PIWIL2: variants seen among roughly 807,000 people sequenced by gnomAD.
The protein encoded by PIWIL2 is piwi like RNA-mediated gene silencing 2, also known as piwi-like protein 2.
PIWIL2 carries 81 observed loss-of-function variants against 116.5 expected under a neutral mutation model. That is an observed-to-expected ratio of 0.70 (90% CI 0.58 to 0.84). The LOEUF (loss-of-function observed/expected upper bound fraction) is 0.84. PIWIL2 is among the 40% of genes least tolerant of loss of function. The pLI, the probability that PIWIL2 is intolerant of heterozygous loss-of-function variation, is 0.00. For missense variants in PIWIL2, 1,272 were observed against 1,212.3 expected, an observed-to-expected ratio of 1.05 and a Z score of -0.73; for synonymous variants, 489 against 429.5, an observed-to-expected ratio of 1.14 and a Z score of -1.71.
In PIWIL2 at chr8:22,279,369, G is replaced by C. The variant is rs759002054; in HGVS notation, c.-18G>C. ...ATTAACCAGAACAGGATCGACACGT[G>C]TTCTCTACAGCCCGTCCATGGATCC... On this transcript the variant is annotated 5_prime_UTR_variant, in exon 2 of 23. Coordinates refer to ENST00000356766, the MANE Select transcript of PIWIL2 (RefSeq NM_018068.5). 29 of 1,607,050 alleles carry C rather than the reference G, an allele frequency of 1.8e-5. No individual in the cohort carries two copies. In the East Asian group the frequency reaches 2.2e-4, roughly 12 times the overall value.
At chr8:22,296,056 T>G (rs564577194) in intron 10 of PIWIL2, among the ~76,000 whole-genome samples, 6,773 of 115,792 alleles carry the variant, frequency 0.058, 248 homozygotes, top group Admixed American at 0.095. Flanking sequence ...TTTTTTTTTT[T>G]TTGTTGTTGT....
At chr8:22,305,811 C>T (rs1831162072) in intron 12 of PIWIL2, 116 bp from the exon 13 acceptor site, 3 of 721,026 alleles carry the variant, frequency 4.2e-6, no homozygotes, top group Non-Finnish European at 7.4e-6. Flanking sequence ...TTTTATACTC[C>T]TTAGTGCGCA....
intron 17 of PIWIL2, 80 bp downstream of exon 17, chr8:22,314,509 C>A: frequency 1.6e-6 from 1 of 639,480 alleles, no homozygotes; most frequent in South Asian, 2.9e-5. Flanking sequence ...TGTGTGTTCA[C>A]AAAGACTAAA....
intron 20 of PIWIL2, among the ~76,000 whole-genome samples, chr8:22,347,364 G>A (rs1181523706): frequency 4.0e-5 from 6 of 151,680 alleles, no homozygotes; most frequent in Middle Eastern, 3.4e-3. Flanking sequence ...ACAGGTGCCC[G>A]CCACCACACC....
rs115100050 is a variant in PIWIL2, at chr8:22,311,379, A to G, written c.1989+79A>G. 9.0e-4 allele frequency: 1,034 copies of G among 1,155,162 alleles called. 8 individuals are homozygous for G. In the African/African-American group the frequency reaches 0.015, roughly 17 times the overall value. 71.6% of individuals were successfully genotyped at this position (1,155,162 alleles called of 1,614,324 possible). On this transcript the variant is annotated intron_variant, in intron 16 of 22. Transcript: ENST00000356766. ...TACTTAATTTTAATGTATCATGGTTATCAGTCTGCTGTTGATGATGCCCTA... is the reference window on the plus strand; with the variant it reads ...TACTTAATTTTAATGTATCATGGTTGTCAGTCTGCTGTTGATGATGCCCTA...
chr8:22,323,114 G>C (rs9792133), intron 20 of PIWIL2, among the ~76,000 whole-genome samples: 2 of 145,022 alleles, frequency 1.4e-5, no homozygotes, highest in Admixed American at 7.1e-5. Flanking sequence ...GGGTTTCACT[G>C]TGTGGGCTAG....
chr8:22,281,555 A>G lies in PIWIL2; in HGVS notation c.425+40A>G, dbSNP rs200609283. On this transcript the variant is annotated intron_variant, in intron 4 of 22. Coordinates refer to ENST00000356766, the MANE Select transcript of PIWIL2 (RefSeq NM_018068.5). ...CCTCTCAGGTAACTATCAAATTCAG[A>G]TGGAATATCTCTGTAAGTTCAGAGA... The G allele has an allele frequency of 2.1e-3, 3,070 of 1,497,416 alleles. 2 individuals are homozygous for G. Among genetic ancestry groups the G allele is most frequent in the Non-Finnish European group, 2.4e-3 (2,651 of 1,117,108 alleles). 92.8% of individuals were successfully genotyped at this position (1,497,416 alleles called of 1,614,324 possible).
intron 20 of PIWIL2, among the ~76,000 whole-genome samples, chr8:22,338,428 C>A (rs1320844317): frequency 6.6e-6 from 1 of 152,112 alleles, no homozygotes; most frequent in Non-Finnish European, 1.5e-5. Context: ...GGGTGGCTCA[C>A]GCCTGTAATC....
intron 2 of PIWIL2, 84 bp downstream of exon 2, chr8:22,279,668 C>T (rs1455349173): frequency 7.7e-7 from 1 of 1,303,584 alleles, no homozygotes; most frequent in Admixed American, 1.7e-5. Context: ...AAAGTGCTTG[C>T]AGGGCTGGGC....
At chr8:22,287,251 A>G (rs1348677408) in intron 6 of PIWIL2, among the ~76,000 whole-genome samples, 1 of 152,230 alleles carries the variant, frequency 6.6e-6, no homozygotes, top group African/African-American at 2.4e-5. Flanking sequence ...CGTCTCAAAA[A>G]CAAATGTGTA....
chr8:22,303,976 C>T, intron 10 of PIWIL2, 45 bp from the exon 11 acceptor site: 1 of 1,301,860 alleles, frequency 7.7e-7, no homozygotes, highest in Non-Finnish European at 1.1e-6. Context: ...TCATACTGTT[C>T]TGGATATATA....
chr8:22,313,001 C>T (rs920037916), intron 16 of PIWIL2, among the ~76,000 whole-genome samples: 5 of 152,174 alleles, frequency 3.3e-5, no homozygotes, highest in Non-Finnish European at 5.9e-5. Flanking sequence ...CCATGGCCTC[C>T]CTCAGACCTG....
chr8:22,349,415 G>GTATATATATATATA (rs540224852), intron 20 of PIWIL2, among the ~76,000 whole-genome samples: 249 of 134,818 alleles, frequency 1.8e-3, no homozygotes, highest in Non-Finnish European at 2.4e-3. Context: ...ATATATGTGT[G>GTATATATATATATA]TGTGTATATA....
chr8:22,293,337 CT>C (rs1554498707), intron 10 of PIWIL2, among the ~76,000 whole-genome samples: 31 of 150,004 alleles, frequency 2.1e-4, no homozygotes, highest in African/African-American at 2.7e-4. Context: ...TTTTATTTTC[CT>C]TTTTTTTTTG....
At chr8:22,276,149 G>A (rs1334039968) in intron 1 of PIWIL2, 3 of 152,306 alleles carry the variant, frequency 2.0e-5, no homozygotes, top group African/African-American at 7.2e-5. Flanking sequence ...TTCAAGAAAG[G>A]GAGTCATATC....
chr8:22,336,453 T>A (rs980512564), intron 20 of PIWIL2, among the ~76,000 whole-genome samples: 1 of 151,972 alleles, frequency 6.6e-6, no homozygotes, highest in African/African-American at 2.4e-5. Flanking sequence ...ATACAACATA[T>A]CAAAATTTAT....
At chr8:22,347,213 ATTT>A (rs35121396) in intron 20 of PIWIL2, among the ~76,000 whole-genome samples, 3 of 135,216 alleles carry the variant, frequency 2.2e-5, no homozygotes, top group Non-Finnish European at 3.2e-5. Flanking sequence ...CATTAACATA[ATTT>A]TTTTTTTTTT....
chr8:22,298,157 C>T (rs1281665746), intron 10 of PIWIL2, among the ~76,000 whole-genome samples: 5 of 151,578 alleles, frequency 3.3e-5, no homozygotes, highest in African/African-American at 4.9e-5. Context: ...CTCGGGAGGC[C>T]GAGGTGGGAG....
intron 7 of PIWIL2, 94 bp downstream of exon 7, chr8:22,287,739 A>AT: frequency 1.2e-6 from 1 of 808,378 alleles, no homozygotes; most frequent in East Asian, 2.5e-5. Context: ...GGGTCTTGCT[A>AT]TGTTGCCCAG....
Sources: gnomAD v4.1 joint callset for allele counts (sites outside exome capture counted in the v4.1 genomes callset) on GRCh38, gnomAD v4.1.1 for gene constraint, MANE v1.5 for transcripts, NCBI Gene and HGNC (gene_info 2026-07-23, HGNC 2026-07-21) for gene names.